The following GNB4 variants were observed in gnomAD, a reference collection of about 807,000 sequenced individuals.
GNB4 encodes the protein guanine nucleotide-binding protein subunit beta-4.
A neutral mutation model predicts 45.2 loss-of-function variants in GNB4; 28 were observed. That is an observed-to-expected ratio of 0.62 (90% CI 0.46 to 0.85). GNB4 has a LOEUF of 0.85. GNB4 is among the 40% of genes least tolerant of loss of function. The pLI is 0.00. For synonymous variants in GNB4, 132 were observed against 143.7 expected, an observed-to-expected ratio of 0.92 and a Z score of 0.58; for missense variants, 321 against 425.4, an observed-to-expected ratio of 0.75 and a Z score of 2.16.
the GNB4 span, among the ~76,000 whole-genome samples, chr3:179,473,885 G>A: frequency 6.6e-6 from 1 of 152,160 alleles, no homozygotes; most frequent in Non-Finnish European, 1.5e-5. Flanking sequence ...CCCAGCACTG[G>A]CAATTACTGT....
chr3:179,468,444 G>A, the GNB4 span, among the ~76,000 whole-genome samples: 1 of 151,256 alleles, frequency 6.6e-6, no homozygotes, highest in Non-Finnish European at 1.5e-5. Context: ...GCGGTAAGCC[G>A]AGATCATACC....
the GNB4 span, among the ~76,000 whole-genome samples, chr3:179,521,918 A>G: frequency 6.6e-6 from 1 of 152,104 alleles, no homozygotes; most frequent in African/African-American, 2.4e-5. Flanking sequence ...CCTTCAGCTT[A>G]ATCTCTCCTA....
the GNB4 span, among the ~76,000 whole-genome samples, chr3:179,468,498 G>A: frequency 4.9e-5 from 7 of 143,848 alleles, no homozygotes; most frequent in African/African-American, 5.1e-5. Context: ...TCTGTCTCAA[G>A]AAAAAAAAAA....
At chr3:179,453,401 C>A (rs546783510), upstream of GNB4, among the ~76,000 whole-genome samples, 396 of 152,272 alleles carry the variant, frequency 2.6e-3, 4 homozygotes, top group African/African-American at 8.7e-3. Flanking sequence ...GAATTACAGG[C>A]GTGAGCCACC....
chr3:179,510,745 T>C, the GNB4 span, among the ~76,000 whole-genome samples: 1 of 152,204 alleles, frequency 6.6e-6, no homozygotes, highest in African/African-American at 2.4e-5. Flanking sequence ...TTGCACACGT[T>C]TGCCTTGTTA....
chr3:179,480,406 C>T, the GNB4 span, among the ~76,000 whole-genome samples: 1 of 152,178 alleles, frequency 6.6e-6, no homozygotes, highest in Non-Finnish European at 1.5e-5. Context: ...TAACAACTTA[C>T]AAGTGCATAG....
intron 1 of GNB4, among the ~76,000 whole-genome samples, chr3:179,432,919 A>AG (rs774354161): frequency 3.4e-4 from 51 of 152,120 alleles, no homozygotes; most frequent in Admixed American, 7.9e-4. Flanking sequence ...TGGAAAGTGG[A>AG]GGGGGGGTGG....
chr3:179,443,462 C>T (rs1715643876), intron 1 of GNB4, among the ~76,000 whole-genome samples: 1 of 152,044 alleles, frequency 6.6e-6, no homozygotes, highest in African/African-American at 2.4e-5. Flanking sequence ...TCTTTTGAGC[C>T]TGGGAGAAAG....
Position 179,401,469 on chromosome 3 carries a change from CA to C in GNB4, c.917-151del, listed in dbSNP as rs1714298898. On this transcript the variant is annotated intron_variant, in intron 9 of 9. Transcript: ENST00000232564. ...AAAATAATAATAATTTAAAAGAAAACAACAAATTTCTCTGAGTAAGAAGACA... is the reference window on the plus strand; with the variant it reads ...AAAATAATAATAATTTAAAAGAAAACACAAATTTCTCTGAGTAAGAAGACA... 1.7e-5 allele frequency: 7 copies of C among 415,178 alleles called. No homozygotes were observed. The South Asian group carries it at 6.3e-4, about 37-fold the overall frequency. The allele number at this position is 415,178 out of a possible 1,614,324, so 25.7% of individuals were successfully genotyped here.
intron 8 of GNB4, among the ~76,000 whole-genome samples, chr3:179,412,089 C>G (rs1004953303): frequency 2.0e-5 from 3 of 152,122 alleles, no homozygotes; most frequent in African/African-American, 7.2e-5. Context: ...GCTTATCCTC[C>G]TATATACTGA....
At chr3:179,527,143 C>A in the GNB4 span, among the ~76,000 whole-genome samples, 1 of 151,956 alleles carries the variant, frequency 6.6e-6, no homozygotes, top group Non-Finnish European at 1.5e-5. Context: ...CTTCTGCTGG[C>A]AGGAAGGGGT....
chr3:179,413,837 C>T, intron 6 of GNB4, 56 bp from the exon 7 acceptor site: 2 of 1,255,930 alleles, frequency 1.6e-6, no homozygotes, highest in South Asian at 1.2e-5. Flanking sequence ...AACTCAGTTA[C>T]CATGTGAAAT....
chr3:179,495,146 G>A, the GNB4 span, among the ~76,000 whole-genome samples: 898 of 152,146 alleles, frequency 5.9e-3, 5 homozygotes, highest in Non-Finnish European at 8.3e-3. Flanking sequence ...ATAACTACAT[G>A]GGAGGCTGAG....
chr3:179,465,642 A>G, the GNB4 span, among the ~76,000 whole-genome samples: 4 of 152,080 alleles, frequency 2.6e-5, no homozygotes, highest in Admixed American at 1.3e-4. Flanking sequence ...CTTTTTTAAT[A>G]AAACACATCT....
intron 8 of GNB4, among the ~76,000 whole-genome samples, chr3:179,409,593 C>T (rs979705076): frequency 4.6e-5 from 7 of 151,730 alleles, no homozygotes; most frequent in South Asian, 2.1e-4. Context: ...AGGCAGATCA[C>T]GAGGTCAAGA....
At chr3:179,471,145 C>G in the GNB4 span, among the ~76,000 whole-genome samples, 1 of 149,266 alleles carries the variant, frequency 6.7e-6, no homozygotes, top group African/African-American at 2.5e-5. Flanking sequence ...CGCCACTGCA[C>G]TCCAACCTGG....
At chr3:179,464,326 C>T in the GNB4 span, 5 of 670,668 alleles carry the variant, frequency 7.5e-6, no homozygotes, top group Admixed American at 2.4e-5. Flanking sequence ...CAGGTCCCGG[C>T]GCAGTCACCG....
intron 9 of GNB4, among the ~76,000 whole-genome samples, chr3:179,402,272 G>A (rs1423653579): frequency 6.6e-6 from 1 of 152,266 alleles, no homozygotes; most frequent in African/African-American, 2.4e-5. Flanking sequence ...AGTTCCAGTT[G>A]AGCCAACCTG....
chr3:179,492,978 T>G, the GNB4 span, among the ~76,000 whole-genome samples: 1 of 152,206 alleles, frequency 6.6e-6, no homozygotes, highest in Admixed American at 6.5e-5. Context: ...CTTCAGCTTA[T>G]GGAGTTTTGG....
Sources: gnomAD v4.1 joint callset for allele counts (sites outside exome capture counted in the v4.1 genomes callset) on GRCh38, gnomAD v4.1.1 for gene constraint, MANE v1.5 for transcripts, NCBI Gene and HGNC (gene_info 2026-07-23, HGNC 2026-07-21) for gene names.